Variants in NDUFV2 observed in about 807,000 individuals in gnomAD.
NDUFV2 encodes NADH dehydrogenase [ubiquinone] flavoprotein 2, mitochondrial.
A neutral mutation model predicts 31.6 loss-of-function variants in NDUFV2; 18 were observed. The ratio of observed to expected loss-of-function variants is 0.57; its 90% confidence interval spans 0.39 to 0.84. The LOEUF (loss-of-function observed/expected upper bound fraction) is 0.84. NDUFV2 is among the 40% of genes least tolerant of loss of function. The probability of loss-of-function intolerance (pLI) is 0.00; values close to 1 mark genes in which losing one functional copy is unlikely to be tolerated. For synonymous variants in NDUFV2, 83 were observed against 99.8 expected (o/e 0.83, Z 1.01); for missense variants, 314 against 303.6 (o/e 1.03, Z -0.26).
At chr18:9,132,476 G>A (rs758950427) in intron 7 of NDUFV2, 1 of 152,172 alleles carries the variant, frequency 6.6e-6, no homozygotes, top group Non-Finnish European at 1.5e-5. Flanking sequence ...AGAAGAGGTA[G>A]CTGAGCTTAA....
chr18:9,126,313 C>G (rs1200967301), intron 6 of NDUFV2, among the ~76,000 whole-genome samples: 1 of 152,194 alleles, frequency 6.6e-6, no homozygotes. Context: ...TACGTTGACA[C>G]TGTTCTACTT....
At chr18:9,102,839 C>T (rs1317768581) in intron 1 of NDUFV2, 42 bp downstream of exon 1, 48 of 1,530,364 alleles carry the variant, frequency 3.1e-5, no homozygotes, top group Non-Finnish European at 3.9e-5. Context: ...CGCCGCCCTT[C>T]TCTTGCTCTC....
Position 9,127,632 on chromosome 18 carries a change from C to T in NDUFV2, c.656+725C>T, listed in dbSNP as rs533182605. Among the ~76,000 whole-genome samples the T allele has an allele frequency of 4.6e-5, 7 of 152,142 alleles. No individual in the cohort carries two copies. In the South Asian group the frequency reaches 6.2e-4, roughly 14 times the overall value. On this transcript the variant is annotated intron_variant, in intron 7 of 7. Coordinates refer to ENST00000318388, the MANE Select transcript of NDUFV2 (RefSeq NM_021074.5). Reference sequence around the variant, plus strand: ...GATTACAGGTGCCAGCCACCACGCCCGGCTAATTTTTTGTATTTTTAGTAG... The same window carrying T: ...GATTACAGGTGCCAGCCACCACGCCTGGCTAATTTTTTGTATTTTTAGTAG...
At chr18:9,122,460 G>T in intron 4 of NDUFV2, 53 bp from the exon 5 acceptor site, 1 of 1,438,420 alleles carries the variant, frequency 7.0e-7, no homozygotes, top group Admixed American at 1.7e-5. Context: ...CATAATTAAA[G>T]CTCCATTACT....
intron 7 of NDUFV2, chr18:9,132,533 A>G (rs1333060565): frequency 6.6e-6 from 1 of 152,192 alleles, no homozygotes; most frequent in Non-Finnish European, 1.5e-5. Context: ...TCTCCAAAAT[A>G]ATTTCATTGA....
intron 1 of NDUFV2, among the ~76,000 whole-genome samples, chr18:9,115,028 T>A (rs547614239): frequency 9.2e-5 from 14 of 152,348 alleles, no homozygotes; most frequent in South Asian, 8.3e-4. Context: ...TTTGGTGGTA[T>A]TTAATTTGAT....
intron 5 of NDUFV2, among the ~76,000 whole-genome samples, chr18:9,123,040 T>G (rs1351236683): frequency 6.6e-6 from 1 of 152,240 alleles, no homozygotes; most frequent in East Asian, 1.9e-4. Context: ...TGTCTTTATA[T>G]TCTTCTAAAG....
chr18:9,102,981 G>C, intron 1 of NDUFV2, 184 bp downstream of exon 1: 3 of 579,520 alleles, frequency 5.2e-6, no homozygotes, highest in Middle Eastern at 4.6e-4. Context: ...CCCCGAGGGA[G>C]GGTTGCCATA....
At position 9,126,865 on chromosome 18, in the gene NDUFV2, TTGA is replaced by T; in HGVS notation, c.618_620del (p.Asp206del). 1.2e-6 allele frequency: 2 copies of T among 1,613,956 alleles called. No individual in the cohort carries two copies. The highest frequency in any genetic ancestry group is 1.7e-6 in the Non-Finnish European group (2 of 1,179,954). On this transcript the variant is annotated inframe_deletion, in exon 7 of 8. Coordinates refer to ENST00000318388, the MANE Select transcript of NDUFV2 (RefSeq NM_021074.5). The stretch of plus-strand genomic sequence containing the variant: ...ACAGCTAAGGATATTGAAGAAATTA[TTGA>T]TGAGCTCAAGGCTGGCAAAATCCCA...
chr18:9,104,617 G>C (rs990832055), intron 1 of NDUFV2, among the ~76,000 whole-genome samples: 3 of 152,114 alleles, frequency 2.0e-5, no homozygotes, highest in African/African-American at 7.2e-5. Context: ...GGTAGTGGAG[G>C]ACCATTGTAA....
intron 7 of NDUFV2, 68 bp downstream of exon 7, chr18:9,126,975 T>G: frequency 8.0e-7 from 1 of 1,251,686 alleles, no homozygotes; most frequent in South Asian, 1.2e-5. Context: ...TAAACTTGAT[T>G]TAAAAAATTT....
At chr18:9,119,747 T>G (rs1432305931) in intron 4 of NDUFV2, among the ~76,000 whole-genome samples, 157 bp downstream of exon 4, 2 of 152,220 alleles carry the variant, frequency 1.3e-5, no homozygotes, top group Admixed American at 6.5e-5. Flanking sequence ...TTTGTGTTTT[T>G]GTTCATTCCC....
At chr18:9,127,430 G>A (rs1278968460) in intron 7 of NDUFV2, among the ~76,000 whole-genome samples, 1 of 152,168 alleles carries the variant, frequency 6.6e-6, no homozygotes, top group Non-Finnish European at 1.5e-5. Context: ...ATGCTTTAAT[G>A]TGATGCTTAA....
intron 1 of NDUFV2, chr18:9,104,848 C>A: frequency 1.5e-6 from 2 of 1,316,266 alleles, no homozygotes; most frequent in African/African-American, 1.5e-5. Flanking sequence ...AATACTGAGA[C>A]TAGCAAGTAG....
intron 1 of NDUFV2, among the ~76,000 whole-genome samples, chr18:9,104,730 C>A (rs1173554264): frequency 1.3e-5 from 2 of 151,858 alleles, no homozygotes; most frequent in Admixed American, 6.5e-5. Context: ...CACCCTCCCC[C>A]CTTTTTTAAA....
chr18:9,111,887 T>C (rs2077872199), intron 1 of NDUFV2, among the ~76,000 whole-genome samples: 2 of 151,920 alleles, frequency 1.3e-5, no homozygotes, highest in African/African-American at 4.9e-5. Flanking sequence ...TAGATAACAG[T>C]GATACATCCC....
intron 6 of NDUFV2, among the ~76,000 whole-genome samples, chr18:9,125,537 TTC>T (rs72247522): frequency 2.5e-4 from 36 of 145,194 alleles, no homozygotes; most frequent in East Asian, 3.9e-4. Flanking sequence ...GATTGAGCGT[TTC>T]TGTTTTTTTT....
At chr18:9,124,445 A>AACT (rs2077969065) in intron 5 of NDUFV2, among the ~76,000 whole-genome samples, 1 of 146,758 alleles carries the variant, frequency 6.8e-6, no homozygotes, top group Non-Finnish European at 1.5e-5. Flanking sequence ...CTTTTTAAAA[A>AACT]ACTTTTTTTT....
At chr18:9,110,682 A>G (rs547926650) in intron 1 of NDUFV2, among the ~76,000 whole-genome samples, 6 of 152,068 alleles carry the variant, frequency 3.9e-5, no homozygotes, top group African/African-American at 1.4e-4. Context: ...TAACTTTTGT[A>G]TTTTTTGTAG....
Sources: gnomAD v4.1 joint callset for allele counts (sites outside exome capture counted in the v4.1 genomes callset) on GRCh38, gnomAD v4.1.1 for gene constraint, MANE v1.5 for transcripts, NCBI Gene and HGNC (gene_info 2026-07-23, HGNC 2026-07-21) for gene names.